AKAP12: variants seen among roughly 807,000 people sequenced by gnomAD.
AKAP12 encodes the protein A-kinase anchor protein 12.
In AKAP12, 32 loss-of-function variants were observed where a neutral mutation model predicts 79.9. The ratio of observed to expected loss-of-function variants is 0.40; its 90% confidence interval spans 0.30 to 0.54. The LOEUF (loss-of-function observed/expected upper bound fraction) is 0.54. AKAP12 is among the 20% of genes least tolerant of loss of function. AKAP12 has a pLI of 0.48. For synonymous variants in AKAP12, 808 were observed against 857.0 expected (o/e 0.94, Z 1.00); for missense variants, 2,074 against 2,177.0 (o/e 0.95, Z 0.94).
At chr6:151,241,788 C>T (rs978289370) in intron 2 of AKAP12, among the ~76,000 whole-genome samples, 2 of 142,376 alleles carry the variant, frequency 1.4e-5, no homozygotes, top group Non-Finnish European at 3.0e-5. Context: ...GGATAGAGTA[C>T]GTGAGTTATC....
chr6:151,257,980 C>A (rs573709831), intron 2 of AKAP12, among the ~76,000 whole-genome samples: 1 of 152,248 alleles, frequency 6.6e-6, no homozygotes, highest in East Asian at 1.9e-4. Context: ...ATTTTTTGGT[C>A]TCCAGTAACA....
chr6:151,301,312 C>A (rs1334737328), intron 2 of AKAP12, among the ~76,000 whole-genome samples: 1 of 152,176 alleles, frequency 6.6e-6, no homozygotes, highest in African/African-American at 2.4e-5. Context: ...AATGTACCCA[C>A]AATGTATGAA....
In AKAP12 at chr6:151,350,865, A is replaced by G; in HGVS notation, c.2474A>G (p.Gln825Arg). 1 of 1,614,134 alleles carries G rather than the reference A, an allele frequency of 6.2e-7. No individual in the cohort carries two copies. The highest frequency in any genetic ancestry group is 8.5e-7 in the Non-Finnish European group (1 of 1,180,008). ...RKKRPDGKQEQAPVEDAGPTG... is the reference protein window; with the variant it reads ...RKKRPDGKQERAPVEDAGPTG... Reference sequence around the variant, plus strand: ...AAAAGGCCAGATGGGAAACAAGAACAAGCCCCTGTTGAAGACGCAGGGCCA... The same window carrying G: ...AAAAGGCCAGATGGGAAACAAGAACGAGCCCCTGTTGAAGACGCAGGGCCA... Residue 825 changes from glutamine (Q) to arginine (R), a missense_variant, in exon 4 of 5, where the codon CAA becomes CGA. Gln to Arg is a conservative substitution (Grantham distance 43). Around this residue, in one of 3 missense-constraint regions of AKAP12, gnomAD observed 1,428 missense variants for 1,451.0 expected, o/e 0.98. Transcript: ENST00000402676. This position sits in a 1 kb window ranked among gnomAD's most constrained non-coding sequence, Gnocchi z 4.8.
chr6:151,240,210 C>A (rs1796937929), intron 1 of AKAP12, among the ~76,000 whole-genome samples, 151 bp downstream of exon 1: 1 of 151,802 alleles, frequency 6.6e-6, no homozygotes, highest in Non-Finnish European at 1.5e-5. Context: ...GGGTGGGCGG[C>A]TGCCTGGACC....
At position 151,350,689 on chromosome 6, in the gene AKAP12, C is replaced by T. The variant is rs1029698880; in HGVS notation, c.2298C>T (p.Val766=). Residue 766 remains valine (V), a synonymous_variant, in exon 4 of 5, where the codon GTC becomes GTT. Coordinates refer to ENST00000402676, the MANE Select transcript of AKAP12 (RefSeq NM_005100.4). The surrounding 1 kb of genome is among the most constrained non-coding windows in gnomAD (Gnocchi z 4.8). ...VSTWESFKRL[V]TPRKKSKSKL... ...CCTGGGAGTCATTTAAAAGGTTAGTCACGCCAAGAAAAAAATCAAAGTCCA... is the reference window on the plus strand; with the variant it reads ...CCTGGGAGTCATTTAAAAGGTTAGTTACGCCAAGAAAAAAATCAAAGTCCA... The T allele has an allele frequency of 1.9e-6, 3 of 1,613,716 alleles. No homozygotes were observed. The highest frequency in any genetic ancestry group is 2.5e-6 in the Non-Finnish European group (3 of 1,179,960).
At chr6:151,291,781 T>C (rs917578359) in intron 2 of AKAP12, among the ~76,000 whole-genome samples, 1 of 152,224 alleles carries the variant, frequency 6.6e-6, no homozygotes, top group East Asian at 1.9e-4. Flanking sequence ...GATGCCACAG[T>C]GTATAGGAAA....
At chr6:151,240,874 G>A (rs970674846) in intron 2 of AKAP12, 150 bp downstream of exon 2, 2 of 773,720 alleles carry the variant, frequency 2.6e-6, no homozygotes, top group African/African-American at 3.6e-5. Flanking sequence ...CCTCTTTGGA[G>A]GCTTTTCAGG....
At chr6:151,331,613 C>T (rs908553404) in intron 3 of AKAP12, among the ~76,000 whole-genome samples, 8 of 152,058 alleles carry the variant, frequency 5.3e-5, no homozygotes, top group East Asian at 1.9e-4. Flanking sequence ...TGGCCGGGTG[C>T]GGTGGCTCAC....
intron 3 of AKAP12, among the ~76,000 whole-genome samples, chr6:151,330,934 C>T (rs187883140): frequency 1.1e-4 from 17 of 152,032 alleles, no homozygotes; most frequent in African/African-American, 2.2e-4. Flanking sequence ...GATCATGGAG[C>T]GTTTGCAGCT....
At chr6:151,292,376 G>A (rs1776640124) in intron 2 of AKAP12, among the ~76,000 whole-genome samples, 1 of 152,206 alleles carries the variant, frequency 6.6e-6, no homozygotes, top group Non-Finnish European at 1.5e-5. Flanking sequence ...ATCAGTTTAA[G>A]CAATCTGGTT....
intron 2 of AKAP12, among the ~76,000 whole-genome samples, chr6:151,259,107 C>T (rs1797359055): frequency 6.6e-6 from 1 of 151,444 alleles, no homozygotes; most frequent in African/African-American, 2.4e-5. Flanking sequence ...TGCAGTGGCA[C>T]AATCTTGGCT....
In AKAP12 at chr6:151,351,077, G is replaced by A. The variant is rs1309190897; in HGVS notation, c.2686G>A (p.Val896Ile). 1 of 1,614,212 alleles carries A rather than the reference G, an allele frequency of 6.2e-7. No individual in the cohort carries two copies. Among genetic ancestry groups the A allele is most frequent in the Admixed American group, 1.7e-5 (1 of 60,026 alleles). The change falls in exon 4 of 5, where the codon GTC becomes ATC. Residue 896 changes from valine to isoleucine, a missense_variant. By Grantham distance (29) the Val-to-Ile change is conservative. This residue lies in a region of AKAP12 where 1,428 missense variants were observed against 1,451.0 expected (regional missense o/e 0.98). Transcript: ENST00000402676. The surrounding 1 kb of genome is among the most constrained non-coding windows in gnomAD (Gnocchi z 4.4). ...ESQVHMMAAAVADGTRAATII... is the reference protein window; with the variant it reads ...ESQVHMMAAAIADGTRAATII... ...TCAGGTTCATATGATGGCAGCAGCT[G>A]TCGCTGACGGGACGAGGGCAGCTAC...
rs571787609 is a variant in AKAP12, at chr6:151,240,307, T to C, written c.-179-77T>C. 1.6e-3 allele frequency: 572 copies of C among 354,416 alleles called. 5 individuals carry two copies. Among genetic ancestry groups the C allele is most frequent in the African/African-American group, 0.011 (518 of 45,636 alleles). The allele number at this position is 354,416 out of a possible 1,614,324, so 22.0% of individuals were successfully genotyped here. A position where few individuals can be genotyped will look rare whatever the true frequency, so the allele number is the denominator to read the frequency against. On this transcript the variant is annotated intron_variant, in intron 1 of 4. Transcript: ENST00000402676. Reference sequence around the variant, plus strand: ...CGTGTCTGGGGCTGTGCTCATGTGATGAAGCGAGGGAAAAACCGGGGGGAG... The same window carrying C: ...CGTGTCTGGGGCTGTGCTCATGTGACGAAGCGAGGGAAAAACCGGGGGGAG...
chr6:151,332,586 T>A (rs374588033), intron 3 of AKAP12, among the ~76,000 whole-genome samples: 3 of 151,980 alleles, frequency 2.0e-5, no homozygotes, highest in African/African-American at 4.8e-5. Context: ...ATGGATGATG[T>A]TGTTTCACTA....
At chr6:151,259,505 TATATATACAC>T (rs1261361681) in intron 2 of AKAP12, among the ~76,000 whole-genome samples, 6 of 59,824 alleles carry the variant, frequency 1.0e-4, no homozygotes, top group East Asian at 9.5e-4. Context: ...TACATGTATA[TATATATACAC>T]ACACACACAC....
chr6:151,352,316 A>G lies in AKAP12; in HGVS notation c.3925A>G (p.Thr1309Ala), dbSNP rs370121685. The change falls in exon 4 of 5, where the codon ACA becomes GCA. Residue 1309 changes from threonine to alanine, a missense_variant. Around this residue, in one of 3 missense-constraint regions of AKAP12, gnomAD observed 614 missense variants for 665.6 expected, o/e 0.92. Transcript: ENST00000402676. Reference sequence around the variant, plus strand: ...TGAAGTTGCCCTTAAAGGTGAAGGGACAGAAGAAGCTGAATGTAAAAAGGA... The same window carrying G: ...TGAAGTTGCCCTTAAAGGTGAAGGGGCAGAAGAAGCTGAATGTAAAAAGGA... ...VTEVALKGEG[T>A]EEAECKKDDA... 3.0e-5 allele frequency: 49 copies of G among 1,614,206 alleles called. No individual in the cohort carries two copies. In the East Asian group the frequency reaches 3.1e-4, roughly 10 times the overall value.
At chr6:151,339,879 C>T (rs918486157) in intron 3 of AKAP12, among the ~76,000 whole-genome samples, 1 of 152,058 alleles carries the variant, frequency 6.6e-6, no homozygotes, top group Non-Finnish European at 1.5e-5. Context: ...TAGCTATATA[C>T]ATTTAAGTTC....
At chr6:151,341,837 G>A (rs1336510150) in intron 3 of AKAP12, 3 of 1,271,858 alleles carry the variant, frequency 2.4e-6, no homozygotes, top group East Asian at 5.7e-5. Context: ...GCTTGGGAAA[G>A]CCTCTCTACT....
intron 3 of AKAP12, among the ~76,000 whole-genome samples, chr6:151,308,528 T>A (rs1475254658): frequency 6.6e-6 from 1 of 152,032 alleles, no homozygotes; most frequent in Admixed American, 6.6e-5. Context: ...ATATACCTTG[T>A]CCTTCCCAAG....
Sources: gnomAD v4.1 joint callset for allele counts (sites outside exome capture counted in the v4.1 genomes callset) on GRCh38, gnomAD v4.1.1 for gene constraint, gnomAD v4.1.1 regional missense constraint, Gnocchi (gnomAD v3.1) non-coding constraint, MANE v1.5 for transcripts, NCBI Gene and HGNC (gene_info 2026-07-23, HGNC 2026-07-21) for gene names.